TOPAZ1: variants seen among roughly 807,000 people sequenced by gnomAD.
The protein encoded by TOPAZ1 is protein TOPAZ1.
TOPAZ1 carries 66 observed loss-of-function variants against 172.2 expected under a neutral mutation model. The observed-to-expected ratio is 0.38, with a 90% CI of 0.31 to 0.47. The LOEUF (loss-of-function observed/expected upper bound fraction) is 0.47. TOPAZ1 is among the 20% of genes least tolerant of loss of function. The probability of loss-of-function intolerance (pLI) is 0.99; values close to 1 mark genes in which losing one functional copy is unlikely to be tolerated. For synonymous variants in TOPAZ1, 681 were observed against 683.9 expected, an observed-to-expected ratio of 1.00 and a Z score of 0.07; for missense variants, 1,822 against 1,972.4, an observed-to-expected ratio of 0.92 and a Z score of 1.44.
At chr3:44,276,624 C>CTTTTT (rs762865769) in intron 8 of TOPAZ1, among the ~76,000 whole-genome samples, 498 of 24,108 alleles carry the variant, frequency 0.021, 96 homozygotes, top group Non-Finnish European at 0.028. Flanking sequence ...CAGCTTTGTT[C>CTTTTT]TTTTTTTTTT....
intron 16 of TOPAZ1, among the ~76,000 whole-genome samples, chr3:44,319,684 T>C (rs1358641522): frequency 6.6e-6 from 1 of 152,210 alleles, no homozygotes; most frequent in Non-Finnish European, 1.5e-5. Context: ...TCTGTCTAAA[T>C]GAGTTAATAT....
chr3:44,255,700 C>A, intron 3 of TOPAZ1, among the ~76,000 whole-genome samples: 1 of 110,312 alleles, frequency 9.1e-6, no homozygotes, highest in Non-Finnish European at 1.8e-5. Flanking sequence ...CACACACACA[C>A]ACACACACAC....
chr3:44,297,888 C>T (rs1012876511), intron 12 of TOPAZ1, among the ~76,000 whole-genome samples: 2 of 151,974 alleles, frequency 1.3e-5, no homozygotes, highest in Non-Finnish European at 2.9e-5. Context: ...TTTACAATGG[C>T]TAAAAACAAA....
At chr3:44,257,230 C>A (rs959729877) in intron 4 of TOPAZ1, among the ~76,000 whole-genome samples, 1 of 150,814 alleles carries the variant, frequency 6.6e-6, no homozygotes, top group Non-Finnish European at 1.5e-5. Context: ...AGCTACTTGG[C>A]GGGGTGGAGG....
At chr3:44,329,025 G>A in intron 19 of TOPAZ1, among the ~76,000 whole-genome samples, 1 of 152,142 alleles carries the variant, frequency 6.6e-6, no homozygotes, top group East Asian at 1.9e-4. Flanking sequence ...CTTTATCCAG[G>A]AAACTTGCAA....
chr3:44,323,384 A>G (rs1210338834), intron 18 of TOPAZ1, 89 bp downstream of exon 18: 11 of 807,428 alleles, frequency 1.4e-5, no homozygotes, highest in African/African-American at 3.5e-5. Flanking sequence ...AGATATTTAT[A>G]TGTATTAAAA....
intron 6 of TOPAZ1, among the ~76,000 whole-genome samples, chr3:44,268,964 T>C (rs1170899548): frequency 6.6e-6 from 1 of 152,152 alleles, no homozygotes; most frequent in African/African-American, 2.4e-5. Flanking sequence ...TATGTGAGGT[T>C]TTTAAGAAAG....
chr3:44,281,824 G>A, intron 8 of TOPAZ1, 144 bp from the exon 9 acceptor site: 1 of 561,946 alleles, frequency 1.8e-6, no homozygotes, highest in Non-Finnish European at 3.2e-6. Flanking sequence ...AAATCTGTGA[G>A]TTAACCAAAC....
intron 7 of TOPAZ1, among the ~76,000 whole-genome samples, chr3:44,269,918 C>A (rs565270394): frequency 7.9e-5 from 12 of 152,222 alleles, no homozygotes; most frequent in Non-Finnish European, 1.2e-4. Flanking sequence ...GCCACTGTGC[C>A]CAGCCTATCA....
At position 44,241,922 on chromosome 3, in the gene TOPAZ1, C is replaced by A. The variant is rs1699479898; in HGVS notation, c.-132C>A. 1 of 883,532 alleles carries A rather than the reference C, an allele frequency of 1.1e-6. No homozygotes were observed. The highest frequency in any genetic ancestry group is 1.8e-5 in the African/African-American group (1 of 56,026). The allele number at this position is 883,532 out of a possible 1,614,324, so 54.7% of individuals were successfully genotyped here. ...CGCGCCCCACTTCCGCTTCCGGCCC[C>A]GGGCTGTGGTGACTGGCGGTGTGGG... On this transcript the variant is annotated 5_prime_UTR_variant, in exon 1 of 20. Transcript: ENST00000309765.
At chr3:44,255,512 C>T (rs1210927051) in intron 3 of TOPAZ1, among the ~76,000 whole-genome samples, 2 of 151,758 alleles carry the variant, frequency 1.3e-5, no homozygotes, top group Admixed American at 6.6e-5. Flanking sequence ...ATTAGCCGGG[C>T]GTGGTGGCAG....
chr3:44,272,137 A>G (rs1240123877), intron 8 of TOPAZ1, among the ~76,000 whole-genome samples: 1 of 152,186 alleles, frequency 6.6e-6, no homozygotes, highest in East Asian at 1.9e-4. Flanking sequence ...TGCTTAATCC[A>G]TTCATCCATT....
At chr3:44,269,136 T>C in intron 6 of TOPAZ1, 80 bp from the exon 7 acceptor site, 1 of 791,744 alleles carries the variant, frequency 1.3e-6, no homozygotes, top group Non-Finnish European at 2.2e-6. Context: ...AAGCAGATAG[T>C]AGTGATCATC....
intron 2 of TOPAZ1, among the ~76,000 whole-genome samples, chr3:44,249,828 G>T (rs1466561466): frequency 1.3e-5 from 2 of 152,192 alleles, no homozygotes; most frequent in African/African-American, 4.8e-5. Flanking sequence ...TTGAACAATA[G>T]TGGGAAATAA....
At chr3:44,272,833 A>G (rs1317674157) in intron 8 of TOPAZ1, among the ~76,000 whole-genome samples, 2 of 152,210 alleles carry the variant, frequency 1.3e-5, no homozygotes, top group Non-Finnish European at 2.9e-5. Flanking sequence ...TGCTGGGATG[A>G]CAGGCATGAG....
Position 44,262,775 on chromosome 3 carries a change from G to A in TOPAZ1, c.3020+292G>A, listed in dbSNP as rs1279116516. On this transcript the variant is annotated intron_variant, in intron 5 of 19. Transcript: ENST00000309765. ...TTTGACTTTTATGAAGATATGAGTG[G>A]CTGAAATCAGATTCACATTGCAGTT... is the stretch of plus-strand genomic sequence containing the variant. Among the ~76,000 whole-genome samples, 6 of 152,156 alleles carry A rather than the reference G, an allele frequency of 3.9e-5. No homozygotes were observed. The East Asian group carries it at 7.7e-4, about 20-fold the overall frequency.
At chr3:44,272,889 G>A (rs1699913223) in intron 8 of TOPAZ1, among the ~76,000 whole-genome samples, 1 of 152,138 alleles carries the variant, frequency 6.6e-6, no homozygotes, top group African/African-American at 2.4e-5. Context: ...TGGATTACTT[G>A]TATTCTTTCT....
intron 12 of TOPAZ1, 146 bp downstream of exon 12, chr3:44,291,032 G>T: frequency 1.9e-6 from 1 of 525,832 alleles, no homozygotes; most frequent in East Asian, 3.6e-5. Context: ...TCTCTTGGCT[G>T]TGCCCTACTT....
At position 44,267,077 on chromosome 3, in the gene TOPAZ1, T is replaced by C. The variant is rs1392073581; in HGVS notation, c.3101T>C (p.Val1034Ala). 6.5e-7 allele frequency: 1 copy of C among 1,549,018 alleles called. No homozygotes were observed. Among genetic ancestry groups the C allele is most frequent in the Non-Finnish European group, 8.7e-7 (1 of 1,145,738 alleles). The part of the protein sequence containing the change: ...VPVPKPLCLL[V>A]PPLNLSGRQE... ...GTCCCGAAACCTCTGTGTTTATTAGTACCTCCTTTGAATCTAAGTGGTCGT... is the reference window on the plus strand; with the variant it reads ...GTCCCGAAACCTCTGTGTTTATTAGCACCTCCTTTGAATCTAAGTGGTCGT... Residue 1034 changes from valine to alanine, a missense_variant, in exon 6 of 20, where the codon GTA (valine) becomes GCA (alanine). By Grantham distance (64) the Val-to-Ala change is moderately conservative (BLOSUM62 0). This residue lies in a region of TOPAZ1 where 1,489 missense variants were observed against 1,490.8 expected (regional missense o/e 1.00). Coordinates refer to ENST00000309765, the MANE Select transcript of TOPAZ1 (RefSeq NM_001145030.2).
Sources: gnomAD v4.1 joint callset for allele counts (sites outside exome capture counted in the v4.1 genomes callset) on GRCh38, gnomAD v4.1.1 for gene constraint, gnomAD v4.1.1 regional missense constraint, MANE v1.5 for transcripts, NCBI Gene and HGNC (gene_info 2026-07-23, HGNC 2026-07-21) for gene names.